The following FSIP2 variants were observed in gnomAD, a reference collection of about 807,000 sequenced individuals.
FSIP2 encodes fibrous sheath interacting protein 2, also known as fibrous sheath-interacting protein 2.
A neutral mutation model predicts 510.5 loss-of-function variants in FSIP2; 367 were observed. The observed-to-expected ratio is 0.72, with a 90% CI of 0.66 to 0.78. The LOEUF (loss-of-function observed/expected upper bound fraction) is 0.78, where lower values mean the gene tolerates loss of function less well. Ranked by LOEUF, FSIP2 falls within the 30% of genes least tolerant of loss-of-function variation. The pLI is 0.00. For synonymous variants in FSIP2, 2,601 were observed against 2,732.2 expected, an observed-to-expected ratio of 0.95 and a Z score of 1.50; for missense variants, 7,594 against 7,901.7, an observed-to-expected ratio of 0.96 and a Z score of 1.48.
intron 19 of FSIP2, among the ~76,000 whole-genome samples, chr2:185,819,071 A>G (rs938091686): frequency 2.0e-5 from 3 of 151,920 alleles, no homozygotes; most frequent in Non-Finnish European, 2.9e-5. Flanking sequence ...TCAATAACAT[A>G]AAATGGGTAG....
chr2:185,779,753 C>T (rs1692802808), intron 13 of FSIP2, among the ~76,000 whole-genome samples: 1 of 152,104 alleles, frequency 6.6e-6, no homozygotes, highest in African/African-American at 2.4e-5. Context: ...TTCCTTCTTG[C>T]ATTTAATACT....
intron 2 of FSIP2, chr2:185,740,249 T>A (rs1384175811): frequency 6.6e-6 from 1 of 152,246 alleles, no homozygotes; most frequent in African/African-American, 2.4e-5. Flanking sequence ...TTAGCTTATT[T>A]TTGCTTAGAG....
rs763785659 is a variant in FSIP2 at position 185,824,405 on chromosome 2, T to C, written c.20427-29T>C. On this transcript the variant is annotated intron_variant, in intron 19 of 22. Coordinates refer to ENST00000424728, the MANE Select transcript of FSIP2 (RefSeq NM_173651.4). Reference sequence around the variant, plus strand: ...ACTTCTTCATTTATCAAATTCACCCTAAATGATGTTCTTTTTCTTTTGTTT... The same window carrying C: ...ACTTCTTCATTTATCAAATTCACCCCAAATGATGTTCTTTTTCTTTTGTTT... 28 of 1,512,110 alleles carry C rather than the reference T, an allele frequency of 1.9e-5. No individual in the cohort carries two copies. The African/African-American group carries it at 3.6e-4, about 20-fold the overall frequency. The allele number at this position is 1,512,110 out of a possible 1,614,324, so 93.7% of individuals were successfully genotyped here. A position where few individuals can be genotyped will look rare whatever the true frequency, so the allele number is the denominator to read the frequency against.
intron 12 of FSIP2, among the ~76,000 whole-genome samples, chr2:185,763,669 T>TA (rs1445304990): frequency 2.6e-5 from 4 of 151,608 alleles, no homozygotes; most frequent in African/African-American, 4.8e-5. Context: ...GCCAACTTGT[T>TA]ACAGGAATCA....
chr2:185,806,440 G>A lies in FSIP2; in HGVS notation c.17134G>A (p.Asp5712Asn). The change falls in exon 17 of 23, where the codon GAT (aspartate) becomes AAT (asparagine). Residue 5712 changes from aspartate (D) to asparagine (N), a missense_variant. Physicochemically the swap from Asp to Asn is conservative, Grantham distance 23. Transcript: ENST00000424728. The part of the protein sequence containing the change: ...KLSYDQSPPG[D>N]NVLNVIQEIS... Reference sequence around the variant, plus strand: ...CAGTTATGACCAAAGCCCCCCAGGTGATAATGTATTAAATGTAATTCAAGA... The same window carrying A: ...CAGTTATGACCAAAGCCCCCCAGGTAATAATGTATTAAATGTAATTCAAGA... The A allele has an allele frequency of 6.2e-7, 1 of 1,612,058 alleles. No individual in the cohort carries two copies. The highest frequency in any genetic ancestry group is 1.7e-5 in the Admixed American group (1 of 59,822).
chr2:185,756,282 A>G lies in FSIP2; in HGVS notation c.1078+4A>G. 1.8e-6 allele frequency: 2 copies of G among 1,115,028 alleles called. No individual in the cohort carries two copies. Among genetic ancestry groups the G allele is most frequent in the South Asian group, 3.5e-5 (2 of 57,224 alleles). The allele number at this position is 1,115,028 out of a possible 1,614,324, so 69.1% of individuals were successfully genotyped here. A position where few individuals can be genotyped will look rare whatever the true frequency, so the allele number is the denominator to read the frequency against. ...AATACATATAAAGAAACACATGGTA[A>G]TTGAATATTGTGACAAGAAACACTA... On this transcript the variant is annotated splice_donor_region_variant and intron_variant, in intron 9 of 22. Transcript: ENST00000424728.
At chr2:185,749,041 G>GTTTGATTGC (rs1336014867) in intron 7 of FSIP2, among the ~76,000 whole-genome samples, 1 of 151,860 alleles carries the variant, frequency 6.6e-6, no homozygotes, top group Non-Finnish European at 1.5e-5. Flanking sequence ...TGACCTATTT[G>GTTTGATTGC]TTTGATTGCT....
chr2:185,817,470 C>G (rs1384451832), intron 19 of FSIP2, among the ~76,000 whole-genome samples: 3 of 151,932 alleles, frequency 2.0e-5, no homozygotes, highest in Non-Finnish European at 2.9e-5. Context: ...ATTTAAAAAG[C>G]AGCTCAGAAA....
At position 185,796,869 on chromosome 2, in the gene FSIP2, A is replaced by G; in HGVS notation, c.9733A>G (p.Arg3245Gly). ...TACTAGAAACAAAGTACAAGACCACAGACCAAGGGAATCTAACTTTGGTAG... is the reference window on the plus strand; with the variant it reads ...TACTAGAAACAAAGTACAAGACCACGGACCAAGGGAATCTAACTTTGGTAG... ...CSTRNKVQDH[R>G]PRESNFGSFD... The change falls in exon 16 of 23, where the codon AGA becomes GGA. Residue 3245 changes from arginine (R) to glycine (G), a missense_variant. Arg to Gly is a moderately radical substitution (Grantham distance 125). Coordinates refer to ENST00000424728, the MANE Select transcript of FSIP2 (RefSeq NM_173651.4). 1 of 1,535,124 alleles carries G rather than the reference A, an allele frequency of 6.5e-7. No homozygotes were observed. Among genetic ancestry groups the G allele is most frequent in the Non-Finnish European group, 8.7e-7 (1 of 1,146,260 alleles).
chr2:185,816,411 G>C (rs1242218678), intron 19 of FSIP2, among the ~76,000 whole-genome samples: 1 of 151,904 alleles, frequency 6.6e-6, no homozygotes. Context: ...AATGATTTTA[G>C]AGCAAGATAA....
intron 17 of FSIP2, among the ~76,000 whole-genome samples, chr2:185,810,537 C>CTTT (rs11298474): frequency 9.3e-6 from 1 of 107,036 alleles, no homozygotes; most frequent in Non-Finnish European, 1.9e-5. Context: ...AGTTAAACCT[C>CTTT]TTTTTTTTTT....
rs1313215021 is a variant in FSIP2 at position 185,782,721 on chromosome 2, T to A, written c.1428T>A (p.Ala476=). 1.6e-5 allele frequency: 25 copies of A among 1,517,804 alleles called. No homozygotes were observed. The highest frequency in any genetic ancestry group is 1.2e-4 in the Admixed American group (6 of 50,964). 94.0% of individuals were successfully genotyped at this position (1,517,804 alleles called of 1,614,324 possible). ...YLCESGPQAH[A]TDPGIFSSPV... is the part of the protein sequence containing the mutation. The stretch of plus-strand genomic sequence containing the variant: ...GATAAATAGGACCTCAGGCTCATGC[T>A]ACAGACCCGGGTATATTTTCTTCTC... Residue 476 remains alanine, a synonymous_variant, in exon 14 of 23, where the codon GCT becomes GCA. Transcript: ENST00000424728.
intron 13 of FSIP2, among the ~76,000 whole-genome samples, chr2:185,772,345 T>A (rs1384958031): frequency 6.6e-6 from 1 of 152,214 alleles, no homozygotes; most frequent in African/African-American, 2.4e-5. Flanking sequence ...CTGTGTTTCA[T>A]TTGTATTGCT....
At chr2:185,782,115 C>T (rs1194134299) in intron 13 of FSIP2, among the ~76,000 whole-genome samples, 1 of 152,166 alleles carries the variant, frequency 6.6e-6, no homozygotes, top group Non-Finnish European at 1.5e-5. Context: ...GGATTACAGG[C>T]AATGTCAGTT....
chr2:185,738,430 G>A (rs1273397242), upstream of FSIP2: 6 of 619,044 alleles, frequency 9.7e-6, no homozygotes, highest in Admixed American at 1.5e-4. Flanking sequence ...ACCTGGTGTG[G>A]GAAGAAGCTG....
Position 185,759,508 on chromosome 2 carries a change from GTA to G in FSIP2, c.1079-1475_1079-1474del, listed in dbSNP as rs1265273245. ...ATATATTTATATTATATTATTTACA[GTA>G]TATAATATATAAGATAATTAACTTT... On this transcript the variant is annotated intron_variant, in intron 9 of 22. Coordinates refer to ENST00000424728, the MANE Select transcript of FSIP2 (RefSeq NM_173651.4). Among the ~76,000 whole-genome samples, 9 of 141,820 alleles carry G rather than the reference GTA, an allele frequency of 6.3e-5. No individual in the cohort carries two copies. The Admixed American group carries it at 6.6e-4, about 10-fold the overall frequency. The allele number at this position is 141,820 out of a possible 152,430, so 93.0% of individuals were successfully genotyped here.
chr2:185,761,871 G>A (rs987598604), intron 10 of FSIP2, 101 bp from the exon 11 acceptor site: 58 of 582,330 alleles, frequency 1.0e-4, no homozygotes, highest in Non-Finnish European at 1.5e-4. Flanking sequence ...GTTAAAAGAG[G>A]GAAAACATCT....
In FSIP2 at chr2:185,800,474, A is replaced by G; in HGVS notation, c.11168A>G (p.Gln3723Arg). 1 of 1,533,296 alleles carries G rather than the reference A, an allele frequency of 6.5e-7. No homozygotes were observed. The highest frequency in any genetic ancestry group is 8.7e-7 in the Non-Finnish European group (1 of 1,145,268). The allele number at this position is 1,533,296 out of a possible 1,614,324, so 95.0% of individuals were successfully genotyped here. ...LDTGMDSGKI[Q>R]RTYFYSSNNE... Reference sequence around the variant, plus strand: ...ACGGGTATGGATTCTGGTAAAATACAAAGAACATATTTCTACTCCTCGAAT... The same window carrying G: ...ACGGGTATGGATTCTGGTAAAATACGAAGAACATATTTCTACTCCTCGAAT... Residue 3723 changes from glutamine (Q) to arginine (R), a missense_variant, in exon 17 of 23, where the codon CAA becomes CGA. Gln to Arg is a conservative substitution (Grantham distance 43). Transcript: ENST00000424728.
intron 18 of FSIP2, 61 bp downstream of exon 18, chr2:185,814,103 C>G (rs1033246367): frequency 6.8e-7 from 1 of 1,466,264 alleles, no homozygotes; most frequent in African/African-American, 1.4e-5. Flanking sequence ...AAATCTGGCC[C>G]AAGAATGTAC....
Sources: allele counts gnomAD v4.1 joint callset (sites outside exome capture counted in the v4.1 genomes callset), GRCh38; gene constraint gnomAD v4.1.1; transcripts MANE v1.5; gene names NCBI Gene and HGNC (gene_info 2026-07-23, HGNC 2026-07-21).